THBS2: variants seen among roughly 807,000 people sequenced by gnomAD.
The protein encoded by THBS2 is thrombospondin-2.
THBS2 carries 47 observed loss-of-function variants against 135.2 expected under a neutral mutation model. The observed-to-expected ratio is 0.35, with a 90% CI of 0.28 to 0.44. THBS2 has a LOEUF of 0.44. THBS2 is among the 20% of genes least tolerant of loss of function. The pLI, the probability that THBS2 is intolerant of heterozygous loss-of-function variation, is 1.00. For missense variants in THBS2, 1,288 were observed against 1,603.1 expected (o/e 0.80, Z 3.36); for synonymous variants, 639 against 633.8 (o/e 1.01, Z -0.12).
In THBS2 at chr6:169,218,828, GAGAT is replaced by G. The variant is rs745638633; in HGVS notation, c.3512-1003_3512-1000del. On this transcript the variant is annotated intron_variant, in intron 21 of 21. Coordinates refer to ENST00000617924, the MANE Select transcript of THBS2 (RefSeq NM_003247.5). ...TGGATGAGTGCATGGGTGGGTGGCTGAGATGGATGGATGGATGGATAAGATGGAT... is the reference window on the plus strand; with the variant it reads ...TGGATGAGTGCATGGGTGGGTGGCTGGGATGGATGGATGGATAAGATGGAT... 2.2e-3 allele frequency among the ~76,000 whole-genome samples: 282 copies of G among 128,516 alleles called. 2 individuals carry two copies. Among genetic ancestry groups the G allele is most frequent in the Non-Finnish European group, 3.8e-3 (232 of 61,162 alleles). 84.3% of individuals were successfully genotyped at this position (128,516 alleles called of 152,430 possible).
chr6:169,237,167 T>C lies in THBS2; in HGVS notation c.1477+3A>G, dbSNP rs371782437. On this transcript the variant is annotated splice_donor_region_variant and intron_variant, in intron 9 of 21. Transcript: ENST00000617924. ...CCCAGGGCCCCGCCTTCACCGTACT[T>C]ACTTGGGCATGGGGCGCCCTGGCAG... The C allele has an allele frequency of 1.2e-6, 2 of 1,603,496 alleles. No individual in the cohort carries two copies. Among genetic ancestry groups the C allele is most frequent in the Non-Finnish European group, 1.7e-6 (2 of 1,178,198 alleles).
At position 169,237,612 on chromosome 6, in the gene THBS2, G is replaced by T; in HGVS notation, c.1300+13C>A. ...CCCCACAGGCACGCGGGTGTCACCT[G>T]CCCGACACTCACTGCGGGTGTCACA... On this transcript the variant is annotated intron_variant, in intron 8 of 21. Transcript: ENST00000617924. 6.2e-7 allele frequency: 1 copy of T among 1,611,548 alleles called. No individual in the cohort carries two copies.
Position 169,240,551 on chromosome 6 carries a change from A to G in THBS2, c.933T>C (p.Pro311=), listed in dbSNP as rs751818310. 1 of 1,613,908 alleles carries G rather than the reference A, an allele frequency of 6.2e-7. No homozygotes were observed. Among genetic ancestry groups the G allele is most frequent in the Non-Finnish European group, 8.5e-7 (1 of 1,180,008 alleles). Reference sequence around the variant, plus strand: ...AAGCTGACATGTTCCTTGTCTTAGGAGGGCCACCAATGAGCTCCCAGAGAA... The same window carrying G: ...AAGCTGACATGTTCCTTGTCTTAGGGGGGCCACCAATGAGCTCCCAGAGAA... The part of the protein sequence containing the change: ...NQFLWELIGG[P]PKTRNMSACW... Residue 311 remains proline (P), a synonymous_variant, in exon 6 of 22, where the codon CCT becomes CCC. Transcript: ENST00000617924.
chr6:169,247,223 G>A (rs781261738), intron 3 of THBS2, among the ~76,000 whole-genome samples: 4 of 152,168 alleles, frequency 2.6e-5, no homozygotes, highest in Non-Finnish European at 4.4e-5. Flanking sequence ...GATTAATCGT[G>A]GTTTAGAAAG....
rs1298139900 is a variant in THBS2 at position 169,223,508 on chromosome 6, AAAAC to A, written c.2774-37_2774-34del. The stretch of plus-strand genomic sequence containing the variant: ...CAAAGAACAAGCAAAAACAAAAACA[AAAAC>A]AAAGAAGCAAAGTCGGTGGTCGGTG... On this transcript the variant is annotated intron_variant, in intron 17 of 21. Transcript: ENST00000617924. The A allele has an allele frequency of 5.6e-6, 9 of 1,596,644 alleles. No individual in the cohort carries two copies. In the African/African-American group the frequency reaches 6.7e-5, roughly 12 times the overall value.
Position 169,222,436 on chromosome 6 carries a change from C to A in THBS2, c.3034G>T (p.Gly1012Cys). The A allele has an allele frequency of 6.2e-7, 1 of 1,613,742 alleles. No homozygotes were observed. The highest frequency in any genetic ancestry group is 8.5e-7 in the Non-Finnish European group (1 of 1,180,012). Reference sequence around the variant, plus strand: ...CGGTCAGTGTTTACGTAGAATGTGCCACTGAAGTCCACAGACCCAAACTCG... The same window carrying A: ...CGGTCAGTGTTTACGTAGAATGTGCAACTGAAGTCCACAGACCCAAACTCG... ...FDEFGSVDFS[G>C]TFYVNTDRDD... is the part of the protein sequence containing the mutation. The change falls in exon 19 of 22, where the codon GGC (glycine) becomes TGC (cysteine). Residue 1012 changes from glycine (G) to cysteine (C), a missense_variant. Physicochemically the swap from Gly to Cys is radical, Grantham distance 159. This residue lies in a region of THBS2 where 874 missense variants were observed against 1,156.1 expected (regional missense o/e 0.76). Transcript: ENST00000617924.
At chr6:169,223,098 G>A in intron 18 of THBS2, 150 bp downstream of exon 18, 1 of 705,390 alleles carries the variant, frequency 1.4e-6, no homozygotes, top group Non-Finnish European at 2.3e-6. Context: ...GGTTATTTAG[G>A]CAGACAGTTT....
intron 19 of THBS2, 41 bp downstream of exon 19, chr6:169,222,156 T>C (rs768963454): frequency 5.8e-6 from 9 of 1,551,818 alleles, no homozygotes; most frequent in Non-Finnish European, 7.8e-6. Flanking sequence ...GCAGCCACAG[T>C]GGTGCAGAGG....
intron 11 of THBS2, 34 bp from the exon 12 acceptor site, chr6:169,232,850 C>T (rs747785151): frequency 2.5e-6 from 4 of 1,607,090 alleles, no homozygotes; most frequent in Non-Finnish European, 2.6e-6. Context: ...AGGCCGCTCC[C>T]GACCTCAGGG....
rs763905061 is a variant in THBS2, at chr6:169,229,593, A to G, written c.2238T>C (p.Asn746=). The change falls in exon 14 of 22, where the codon AAT becomes AAC. Residue 746 remains asparagine (N), a synonymous_variant. Transcript: ENST00000617924. ...IGDACDDDDD[N]DGVTDEKDNC... is the part of the protein sequence containing the mutation. ...CTACCTTCTCATCGGTCACACCGTCATTGTCATCGTCATCATCACAGGCAT... is the reference window on the plus strand; with the variant it reads ...CTACCTTCTCATCGGTCACACCGTCGTTGTCATCGTCATCATCACAGGCAT... 4.3e-6 allele frequency: 7 copies of G among 1,614,078 alleles called. No homozygotes were observed. Among genetic ancestry groups the G allele is most frequent in the South Asian group, 3.3e-5 (3 of 91,060 alleles).
Position 169,216,257 on chromosome 6 carries a change from C to CTGTT in THBS2, c.*1561_*1564dup, listed in dbSNP as rs1779166691. 6.6e-6 allele frequency: 1 copy of CTGTT among 152,140 alleles called. No homozygotes were observed. The highest frequency in any genetic ancestry group is 1.5e-5 in the Non-Finnish European group (1 of 68,020). 9.4% of individuals were successfully genotyped at this position (152,140 alleles called of 1,614,324 possible). A position where few individuals can be genotyped will look rare whatever the true frequency, so the allele number is the denominator to read the frequency against. ...TTAAGACTAAAGTTATGGATTGTTC[C>CTGTT]TGTTTGGCATAGAAATGTGATGACT... is the stretch of plus-strand genomic sequence containing the variant. On this transcript the variant is annotated 3_prime_UTR_variant, in exon 22 of 22. Coordinates refer to ENST00000617924, the MANE Select transcript of THBS2 (RefSeq NM_003247.5).
At position 169,252,374 on chromosome 6, in the gene THBS2, A is replaced by G. The variant is rs1169068558; in HGVS notation, c.-23+1350T>C. Reference sequence around the variant, plus strand: ...CTTGGCAGGCTCTTCCCACCTCCCCACCTCATCAGCCCACACTGCCGGGTA... The same window carrying G: ...CTTGGCAGGCTCTTCCCACCTCCCCGCCTCATCAGCCCACACTGCCGGGTA... On this transcript the variant is annotated intron_variant, in intron 1 of 21. Transcript: ENST00000617924. This position sits in a 1 kb window ranked among gnomAD's most constrained non-coding sequence, Gnocchi z 4.3. Among the ~76,000 whole-genome samples, 2 of 151,938 alleles carry G rather than the reference A, an allele frequency of 1.3e-5. No individual in the cohort carries two copies. The highest frequency in any genetic ancestry group is 4.8e-5 in the African/African-American group (2 of 41,360).
Position 169,248,615 on chromosome 6 carries a change from G to A in THBS2, c.411C>T (p.Val137=). ...TYWIDGTRHV[V]SLEDVGLADS... ...CAGCCAGGCCGACGTCCTCCAGGGA[G>A]ACCACATGCCGGGTGCCGTCAATCC... Residue 137 remains valine (V), a synonymous_variant, in exon 3 of 22, where the codon GTC becomes GTT. Transcript: ENST00000617924. 2 of 1,614,082 alleles carry A rather than the reference G, an allele frequency of 1.2e-6. No individual in the cohort carries two copies. Among genetic ancestry groups the A allele is most frequent in the Middle Eastern group, 1.6e-4 (1 of 6,062 alleles).
intron 12 of THBS2, 74 bp downstream of exon 12, chr6:169,232,590 C>T: frequency 6.5e-7 from 1 of 1,532,630 alleles, no homozygotes; most frequent in South Asian, 1.3e-5. Context: ...TCTCCTTCCT[C>T]CTGCTGCTTT....
rs1359384883 is a variant in THBS2 at position 169,217,544 on chromosome 6, T to C, written c.*278A>G. On this transcript the variant is annotated 3_prime_UTR_variant, in exon 22 of 22. Coordinates refer to ENST00000617924, the MANE Select transcript of THBS2 (RefSeq NM_003247.5). ...TTTTTAAACAAACAAGAAAAAGCAA[T>C]GTAATGGCATGCCCAATTTTCACTC... 3 of 433,488 alleles carry C rather than the reference T, an allele frequency of 6.9e-6. No homozygotes were observed. The highest frequency in any genetic ancestry group is 3.9e-5 in the Admixed American group (1 of 25,372). The allele number at this position is 433,488 out of a possible 1,614,324, so 26.9% of individuals were successfully genotyped here. A position where few individuals can be genotyped will look rare whatever the true frequency, so the allele number is the denominator to read the frequency against.
intron 5 of THBS2, 104 bp from the exon 6 acceptor site, chr6:169,240,696 A>G: frequency 7.1e-7 from 1 of 1,413,900 alleles, no homozygotes; most frequent in Non-Finnish European, 9.5e-7. Context: ...AAAAAGCTCT[A>G]AAGTCAAGTA....
intron 4 of THBS2, chr6:169,245,923 C>A: frequency 6.7e-6 from 2 of 298,152 alleles, no homozygotes; most frequent in Admixed American, 4.6e-5. Flanking sequence ...ATTAAAGCAC[C>A]AGCTATTTAT....
At chr6:169,220,944 A>G (rs1218917002) in intron 20 of THBS2, among the ~76,000 whole-genome samples, 1 of 152,216 alleles carries the variant, frequency 6.6e-6, no homozygotes, top group East Asian at 1.9e-4. Context: ...CTTTGAAAAA[A>G]CAAAAACACC....
chr6:169,247,456 T>G (rs1397531968), intron 3 of THBS2, among the ~76,000 whole-genome samples: 3 of 152,122 alleles, frequency 2.0e-5, no homozygotes, highest in African/African-American at 7.2e-5. Context: ...TGTGTGCATT[T>G]GTGCATGTGT....
Sources: gnomAD v4.1 joint callset for allele counts (sites outside exome capture counted in the v4.1 genomes callset) on GRCh38, gnomAD v4.1.1 for gene constraint, gnomAD v4.1.1 regional missense constraint, Gnocchi (gnomAD v3.1) non-coding constraint, MANE v1.5 for transcripts, NCBI Gene and HGNC (gene_info 2026-07-23, HGNC 2026-07-21) for gene names.